Variants in THOC1 observed in about 807,000 individuals in gnomAD.
THOC1 encodes the protein THO complex subunit 1, also known as THO complex 1.
Under a neutral mutation model 97.3 loss-of-function variants are expected in THOC1, and 29 were observed. That is an observed-to-expected ratio of 0.30 (90% confidence interval 0.22 to 0.41). The LOEUF (loss-of-function observed/expected upper bound fraction) is 0.41. Among genes scored for constraint, THOC1 ranks in the 10% least tolerant of loss-of-function variants. THOC1 has a pLI of 1.00. For missense variants in THOC1, 529 were observed against 761.9 expected, an observed-to-expected ratio of 0.69 and a Z score of 3.60; for synonymous variants, 255 against 257.0, an observed-to-expected ratio of 0.99 and a Z score of 0.07.
chr18:214,697 TA>T lies in THOC1; in HGVS notation c.1902del (p.Asn635MetfsTer3), dbSNP rs1432096873. ...CTTAATCCAGACTTATTCAGTGCAT[TA>T]ATCAGATTCTCAGGTGTTGCATGAA... is the stretch of plus-strand genomic sequence containing the variant. ...EGVHATPENL[I>X]NALNKSGLSD... On this transcript the variant is annotated frameshift_variant, in exon 21 of 21. Coordinates refer to ENST00000261600, the MANE Select transcript of THOC1 (RefSeq NM_005131.3). LOFTEE classifies it high-confidence loss of function. 2 of 1,613,994 alleles carry T rather than the reference TA, an allele frequency of 1.2e-6. No homozygotes were observed.
chr18:259,359 G>T (rs1912533474), intron 6 of THOC1, 84 bp from the exon 7 acceptor site: 1 of 1,132,644 alleles, frequency 8.8e-7, no homozygotes, highest in Non-Finnish European at 1.3e-6. Flanking sequence ...CTAAACCAGT[G>T]TGTCAAGAGT....
At position 216,510 on chromosome 18, in the gene THOC1, T is replaced by A; in HGVS notation, c.1578A>T (p.Val526=). Residue 526 remains valine (V), a synonymous_variant, in exon 19 of 21, where the codon GTA becomes GTT. Transcript: ENST00000261600. ...KSLPEYLENM[V]IKLAKELPPP... is the part of the protein sequence containing the mutation. ...CCGGTAATTCCTTGGCTAGCTTTAT[T>A]ACCATATTTTCAAGATATTCTGGTA... 2 of 1,613,948 alleles carry A rather than the reference T, an allele frequency of 1.2e-6. No homozygotes were observed. The highest frequency in any genetic ancestry group is 1.7e-6 in the Non-Finnish European group (2 of 1,179,860).
chr18:229,408 G>A (rs1435422538), intron 11 of THOC1, among the ~76,000 whole-genome samples: 2 of 152,174 alleles, frequency 1.3e-5, no homozygotes, highest in Admixed American at 1.3e-4. Context: ...TCGGCTGGGT[G>A]TGGTGGTTCA....
rs1911186266 is a variant in THOC1, at chr18:224,077, C to T, written c.1304+7G>A. 5 of 1,578,224 alleles carry T rather than the reference C, an allele frequency of 3.2e-6. No homozygotes were observed. Among genetic ancestry groups the T allele is most frequent in the Non-Finnish European group, 4.3e-6 (5 of 1,152,810 alleles). On this transcript the variant is annotated splice_region_variant and intron_variant, in intron 16 of 20. Coordinates refer to ENST00000261600, the MANE Select transcript of THOC1 (RefSeq NM_005131.3). ...AGAACATCCCACATGAAGACAAATTCACCTACTTTCCCATCAGAATTTTTT... is the reference window on the plus strand; with the variant it reads ...AGAACATCCCACATGAAGACAAATTTACCTACTTTCCCATCAGAATTTTTT...
chr18:223,540 AT>A (rs1230416409), intron 16 of THOC1, 35 bp from the exon 17 acceptor site: 1 of 1,491,806 alleles, frequency 6.7e-7, no homozygotes, highest in East Asian at 2.5e-5. Context: ...TACATTTTTT[AT>A]GGACACCATC....
intron 7 of THOC1, among the ~76,000 whole-genome samples, chr18:256,202 A>C (rs933107959): frequency 6.8e-6 from 1 of 147,736 alleles, no homozygotes; most frequent in Non-Finnish European, 1.5e-5. Flanking sequence ...CTATAGCTAC[A>C]TAGTGATTTT....
At chr18:239,020 T>C (rs1198761972) in intron 11 of THOC1, among the ~76,000 whole-genome samples, 2 of 152,196 alleles carry the variant, frequency 1.3e-5, no homozygotes, top group African/African-American at 4.8e-5. Context: ...CTAATTAACA[T>C]TGGTTATTTT....
At chr18:215,013 TTAG>T (rs1194660062) in intron 20 of THOC1, 92 bp from the exon 21 acceptor site, 1 of 1,089,904 alleles carries the variant, frequency 9.2e-7, no homozygotes, top group African/African-American at 1.6e-5. Context: ...TTAACCACCT[TTAG>T]TAGACTTTAT....
chr18:222,822 T>C (rs1407580331), intron 17 of THOC1, among the ~76,000 whole-genome samples: 1 of 152,218 alleles, frequency 6.6e-6, no homozygotes, highest in East Asian at 1.9e-4. Context: ...TGTACAGAGA[T>C]ATGGATTTAT....
chr18:254,737 G>A lies in THOC1; in HGVS notation c.521-382C>T, dbSNP rs1391676609. 6.6e-6 allele frequency among the ~76,000 whole-genome samples: 1 copy of A among 151,946 alleles called. No homozygotes were observed. Among genetic ancestry groups the A allele is most frequent in the Non-Finnish European group, 1.5e-5 (1 of 68,002 alleles). On this transcript the variant is annotated intron_variant, in intron 7 of 20. Transcript: ENST00000261600. The surrounding 1 kb of genome is among the most constrained non-coding windows in gnomAD (Gnocchi z 4.1). ...TGATGATCTGTGATCAGTGATCTTTGAGGTTAACATTGTCATTGTTTTGCC... is the reference window on the plus strand; with the variant it reads ...TGATGATCTGTGATCAGTGATCTTTAAGGTTAACATTGTCATTGTTTTGCC...
chr18:228,359 CTG>C (rs1005601586), intron 11 of THOC1, among the ~76,000 whole-genome samples: 3 of 152,034 alleles, frequency 2.0e-5, no homozygotes, highest in African/African-American at 7.2e-5. Flanking sequence ...TATTCTCTGC[CTG>C]TTAGTCCCAT....
chr18:233,316 G>A (rs1363885510), intron 11 of THOC1, among the ~76,000 whole-genome samples: 1 of 152,210 alleles, frequency 6.6e-6, no homozygotes, highest in Non-Finnish European at 1.5e-5. Flanking sequence ...GCCAGGCCTG[G>A]TGGCTCACAC....
At position 242,975 on chromosome 18, in the gene THOC1, T is replaced by C. The variant is rs1156267979; in HGVS notation, c.918+3349A>G. ...CATTACAAATATTTTCACTTGTATATTAAGTAGTAAAAACTAAAAATACAC... is the reference window on the plus strand; with the variant it reads ...CATTACAAATATTTTCACTTGTATACTAAGTAGTAAAAACTAAAAATACAC... On this transcript the variant is annotated intron_variant, in intron 11 of 20. Transcript: ENST00000261600. This position sits in a 1 kb window ranked among gnomAD's most constrained non-coding sequence, Gnocchi z 4.5. 6.6e-6 allele frequency among the ~76,000 whole-genome samples: 1 copy of C among 152,184 alleles called. No homozygotes were observed. Among genetic ancestry groups the C allele is most frequent in the Admixed American group, 6.5e-5 (1 of 15,278 alleles).
intron 19 of THOC1, chr18:216,241 C>T (rs981132635): frequency 6.3e-5 from 25 of 395,202 alleles, no homozygotes; most frequent in South Asian, 6.6e-5. Context: ...CGTGAGCCAC[C>T]GCACCCACAG....
rs768735586 is a variant in THOC1, at chr18:223,490, C to T, written c.1320G>A (p.Arg440=). The change falls in exon 17 of 21, where the codon AGG becomes AGA. Residue 440 remains arginine, a synonymous_variant. Transcript: ENST00000261600. ...KILMGNEELT[R]LWNLCPDNME... ...TATTATCAGGGCAAAGATTCCAAAG[C>T]CTTGTTAACTCCTCACTACAAAATA... The T allele has an allele frequency of 7.7e-6, 12 of 1,559,884 alleles. No individual in the cohort carries two copies. Among genetic ancestry groups the T allele is most frequent in the East Asian group, 2.4e-5 (1 of 42,294 alleles).
chr18:220,785 T>C (rs1042961549), intron 17 of THOC1, among the ~76,000 whole-genome samples: 3 of 152,334 alleles, frequency 2.0e-5, no homozygotes, highest in African/African-American at 7.2e-5. Context: ...TATCTATTTT[T>C]CCTGGTTTTT....
intron 11 of THOC1, among the ~76,000 whole-genome samples, chr18:231,959 G>A (rs1487864600): frequency 6.6e-6 from 1 of 152,108 alleles, no homozygotes; most frequent in East Asian, 1.9e-4. Context: ...ATCTTTTAAG[G>A]ACCAGCCAGA....
intron 9 of THOC1, among the ~76,000 whole-genome samples, chr18:248,213 T>C (rs923374350): frequency 2.6e-5 from 4 of 152,230 alleles, no homozygotes; most frequent in African/African-American, 9.6e-5. Flanking sequence ...TTAAAGATTA[T>C]GTTTCCCAAC....
chr18:227,739 T>C (rs180854371), intron 11 of THOC1, among the ~76,000 whole-genome samples: 43 of 152,226 alleles, frequency 2.8e-4, no homozygotes, highest in Non-Finnish European at 5.7e-4. Flanking sequence ...AGTTCTGCCT[T>C]CAAAAACTAC....
Sources: allele counts gnomAD v4.1 joint callset (sites outside exome capture counted in the v4.1 genomes callset), GRCh38; gene constraint gnomAD v4.1.1; non-coding constraint Gnocchi (gnomAD v3.1); transcripts MANE v1.5; gene names NCBI Gene and HGNC (gene_info 2026-07-23, HGNC 2026-07-21).